The following MSH6 variants were observed in gnomAD, a reference collection of about 807,000 sequenced individuals.
MSH6 encodes DNA mismatch repair protein Msh6.
A neutral mutation model predicts 119.1 loss-of-function variants in MSH6; 85 were observed. The observed-to-expected ratio is 0.71, with a 90% confidence interval of 0.60 to 0.85. MSH6 has a LOEUF of 0.85. Ranked by LOEUF, MSH6 falls within the 40% of genes least tolerant of loss-of-function variation. The pLI is 0.00. For synonymous variants in MSH6, 830 were observed against 586.9 expected (o/e 1.41, Z -5.99); for missense variants, 2,163 against 1,655.3 (o/e 1.31, Z -5.32).
downstream of MSH6, chr2:47,807,067 C>A: frequency 1.8e-6 from 1 of 564,938 alleles, no homozygotes; most frequent in Non-Finnish European, 3.1e-6. Context: ...ATGGTACATG[C>A]ATACACTTTC....
intron 3 of MSH6, among the ~76,000 whole-genome samples, chr2:47,797,284 G>A (rs1310969027): frequency 1.3e-5 from 2 of 152,170 alleles, no homozygotes; most frequent in African/African-American, 2.4e-5. Flanking sequence ...TCAGTTTCAT[G>A]TTTTGTTCCT....
At position 47,790,885 on chromosome 2, in the gene MSH6, G is replaced by T; in HGVS notation, c.261-42G>T. 3 of 1,594,852 alleles carry T rather than the reference G, an allele frequency of 1.9e-6. No homozygotes were observed. The South Asian group carries it at 3.3e-5, about 18-fold the overall frequency. ...TAGGTAACTGCCTTTAAGGAAACTT[G>T]ACCAAATATTAACTAAGTTATGTAT... On this transcript the variant is annotated intron_variant, in intron 1 of 9. Coordinates refer to ENST00000234420, the MANE Select transcript of MSH6 (RefSeq NM_000179.3).
intron 6 of MSH6, 134 bp from the exon 7 acceptor site, chr2:47,805,484 T>A: frequency 1.4e-6 from 1 of 734,108 alleles, no homozygotes; most frequent in South Asian, 1.6e-5. Context: ...GGCCAATAAT[T>A]GCATAGTCTC....
Position 47,806,298 on chromosome 2 carries a change from TCACTAC to T in MSH6, c.3744_3749del (p.Tyr1249_His1250del). ...TAAAATGTCGTACATTATTTTCAAC[TCACTAC>T]CATTCATTAGTAGAAGATTATTCTC... On this transcript the variant is annotated inframe_deletion, in exon 8 of 10. Transcript: ENST00000234420. 1 of 1,614,094 alleles carries T rather than the reference TCACTAC, an allele frequency of 6.2e-7. No individual in the cohort carries two copies. The highest frequency in any genetic ancestry group is 8.5e-7 in the Non-Finnish European group (1 of 1,179,954).
chr2:47,808,558 G>C (rs1369764830), downstream of MSH6: 1 of 653,674 alleles, frequency 1.5e-6, no homozygotes, highest in Admixed American at 3.4e-5. Flanking sequence ...CTCCAGCCCA[G>C]ATTAATTCTG....
In MSH6 at chr2:47,801,366, T is replaced by TTTTTTTTG. The variant is rs1669582277; in HGVS notation, c.3172+218_3172+219insGTTTTTTT. 5.3e-5 allele frequency: 24 copies of TTTTTTTTG among 452,588 alleles called. 1 individual carries two copies. The South Asian group carries it at 6.4e-4, about 12-fold the overall frequency. 28.0% of individuals were successfully genotyped at this position (452,588 alleles called of 1,614,324 possible). On this transcript the variant is annotated intron_variant, in intron 4 of 9. Transcript: ENST00000234420. Reference sequence around the variant, plus strand: ...AGCCCTTTGGCCTTTCTTCAGTTTTTTTTTTTTTTTTTTTTTTTTTGAGAC... The same window carrying TTTTTTTTG: ...AGCCCTTTGGCCTTTCTTCAGTTTTTTTTTTTTGTTTTTTTTTTTTTTTTTTTTGAGAC...
chr2:47,798,938 A>G lies in MSH6; in HGVS notation c.955A>G (p.Thr319Ala), dbSNP rs532920165. The G allele has an allele frequency of 6.2e-7, 1 of 1,614,070 alleles. No homozygotes were observed. Among genetic ancestry groups the G allele is most frequent in the East Asian group, 2.2e-5 (1 of 44,878 alleles). ...SLKRKSSRKE[T>A]PSATKQATSI... ...TAAAAGGAAAAGCTCTAGGAAGGAAACGCCCTCAGCCACCAAACAAGCAAC... is the reference window on the plus strand; with the variant it reads ...TAAAAGGAAAAGCTCTAGGAAGGAAGCGCCCTCAGCCACCAAACAAGCAAC... The change falls in exon 4 of 10, where the codon ACG becomes GCG. Residue 319 changes from threonine to alanine, a missense_variant. Transcript: ENST00000234420.
rs765891603 is a variant in MSH6, at chr2:47,800,459, C to G, written c.2476C>G (p.His826Asp). The G allele has an allele frequency of 1.2e-6, 2 of 1,613,762 alleles. No individual in the cohort carries two copies. The highest frequency in any genetic ancestry group is 1.1e-5 in the South Asian group (1 of 91,064). ...PDLERLLSKI[H>D]NVGSPLKSQN... ...TCTTGAGAGGCTACTCAGTAAAATT[C>G]ATAATGTTGGGTCTCCCCTGAAGAG... Residue 826 changes from histidine (H) to aspartate (D), a missense_variant, in exon 4 of 10, where the codon CAT becomes GAT. Transcript: ENST00000234420.
In MSH6 at chr2:47,800,286, C is replaced by G. The variant is rs773162893; in HGVS notation, c.2303C>G (p.Pro768Arg). ...GAGAGGGTTGATACTTGCCATACTC[C>G]TTTTGGTAAGCGGCTCCTAAAGCAA... ...LLERVDTCHTPFGKRLLKQWL... is the reference protein window; with the variant it reads ...LLERVDTCHTRFGKRLLKQWL... The change falls in exon 4 of 10, where the codon CCT becomes CGT. Residue 768 changes from proline to arginine, a missense_variant. Transcript: ENST00000234420. 6.2e-7 allele frequency: 1 copy of G among 1,614,046 alleles called. No homozygotes were observed. Among genetic ancestry groups the G allele is most frequent in the Non-Finnish European group, 8.5e-7 (1 of 1,180,022 alleles).
intron 2 of MSH6, 88 bp downstream of exon 2, chr2:47,791,211 A>G: frequency 3.1e-6 from 4 of 1,283,844 alleles, no homozygotes; most frequent in South Asian, 1.2e-5. Flanking sequence ...TTTTTTCTAT[A>G]TGATGAAATT....
chr2:47,803,506 C>G lies in MSH6; in HGVS notation c.3259C>G (p.Pro1087Ala), dbSNP rs63750998. The G allele has an allele frequency of 1.4e-4, 218 of 1,614,120 alleles. No individual in the cohort carries two copies. The highest frequency in any genetic ancestry group is 1.7e-4 in the Non-Finnish European group (197 of 1,180,032). ...AATTCTGTTGCCGGAAGATACCCCC[C>G]CCTTCTTAGAGCTTAAAGGATCACG... ...PVILLPEDTPPFLELKGSRHP... is the reference protein window; with the variant it reads ...PVILLPEDTPAFLELKGSRHP... The change falls in exon 5 of 10, where the codon CCC becomes GCC. Residue 1087 changes from proline (P) to alanine (A), a missense_variant. Pro to Ala is a conservative substitution (Grantham distance 27). Transcript: ENST00000234420.
chr2:47,804,081 C>T (rs903387243), intron 5 of MSH6, among the ~76,000 whole-genome samples: 2 of 152,032 alleles, frequency 1.3e-5, no homozygotes, highest in Non-Finnish European at 2.9e-5. Context: ...AAATATAGTT[C>T]ATGACCTCTA....
chr2:47,802,078 A>G (rs1426403162), intron 4 of MSH6, among the ~76,000 whole-genome samples: 1 of 152,226 alleles, frequency 6.6e-6, no homozygotes, highest in Non-Finnish European at 1.5e-5. Context: ...CTATCTGTTG[A>G]TCCAACATTT....
At chr2:47,785,154 T>C (rs1373319489) in intron 1 of MSH6, among the ~76,000 whole-genome samples, 1 of 148,968 alleles carries the variant, frequency 6.7e-6, no homozygotes, top group Admixed American at 6.7e-5. Flanking sequence ...AGTTTAATGG[T>C]CGCTATTTGA....
chr2:47,783,218 C>A lies in MSH6; in HGVS notation c.-16C>A, dbSNP rs1064794403. 6.2e-7 allele frequency: 1 copy of A among 1,611,236 alleles called. No homozygotes were observed. The highest frequency in any genetic ancestry group is 1.1e-5 in the South Asian group (1 of 90,818). On this transcript the variant is annotated 5_prime_UTR_variant, in exon 1 of 10. Coordinates refer to ENST00000234420, the MANE Select transcript of MSH6 (RefSeq NM_000179.3). The stretch of plus-strand genomic sequence containing the variant: ...GCTCCGTCCGACAGAACGGTTGGGC[C>A]TTGCCGGCTGTCGGTATGTCGCGAC...
rs63750019 is a variant in MSH6 at position 47,798,701 on chromosome 2, C to T, written c.718C>T (p.Arg240Ter). 4 of 1,613,916 alleles carry T rather than the reference C, an allele frequency of 2.5e-6. No individual in the cohort carries two copies. Among genetic ancestry groups the T allele is most frequent in the South Asian group, 1.1e-5 (1 of 91,074 alleles). Residue 240 changes from arginine (R) to a stop codon, truncating the protein, a stop_gained, in exon 4 of 10, where the codon CGA becomes TGA. Coordinates refer to ENST00000234420, the MANE Select transcript of MSH6 (RefSeq NM_000179.3). LOFTEE classifies it high-confidence loss of function. ...EVQPKTQGSR[R>*]SSRQIKKRRV... is the part of the protein sequence containing the mutation. Reference sequence around the variant, plus strand: ...ACAGCCTAAGACACAAGGATCTAGGCGAAGTAGCCGCCAAATAAAAAAACG... The same window carrying T: ...ACAGCCTAAGACACAAGGATCTAGGTGAAGTAGCCGCCAAATAAAAAAACG...
At chr2:47,785,133 A>C (rs985708824) in intron 1 of MSH6, among the ~76,000 whole-genome samples, 1 of 149,214 alleles carries the variant, frequency 6.7e-6, no homozygotes, top group African/African-American at 2.5e-5. Flanking sequence ...TTTGTCAGAT[A>C]CTAAACACAA....
At chr2:47,808,693 C>CTGAAAACAATTTTTGGAGGCG, downstream of MSH6, 1 of 361,508 alleles carries the variant, frequency 2.8e-6, no homozygotes, top group Non-Finnish European at 5.0e-6. Flanking sequence ...TGTTTCTGGG[C>CTGAAAACAATTTTTGGAGGCG]TGAAAACAAT....
rs587779223 is a variant in MSH6 at position 47,800,008 on chromosome 2, G to C, written c.2025G>C (p.Glu675Asp). The change falls in exon 4 of 10, where the codon GAG becomes GAC. Residue 675 changes from glutamate to aspartate, a missense_variant. Transcript: ENST00000234420. ...ATTCCATTGGGTTGACACCAGGAGAGAAAAGTGAATTGGCCCTCTCTGCTC... is the reference window on the plus strand; with the variant it reads ...ATTCCATTGGGTTGACACCAGGAGACAAAAGTGAATTGGCCCTCTCTGCTC... Reference protein sequence around the residue: ...ESDSIGLTPGEKSELALSALG... With the variant: ...ESDSIGLTPGDKSELALSALG... 6.2e-7 allele frequency: 1 copy of C among 1,614,014 alleles called. No individual in the cohort carries two copies. Among genetic ancestry groups the C allele is most frequent in the Non-Finnish European group, 8.5e-7 (1 of 1,180,018 alleles).
Sources: gnomAD v4.1 joint callset for allele counts (sites outside exome capture counted in the v4.1 genomes callset) on GRCh38, gnomAD v4.1.1 for gene constraint, MANE v1.5 for transcripts, NCBI Gene and HGNC (gene_info 2026-07-23, HGNC 2026-07-21) for gene names.